Variants in CREB3L3 observed in about 807,000 individuals in gnomAD.
CREB3L3 encodes the protein cAMP responsive element binding protein 3 like 3.
In CREB3L3, 40 loss-of-function variants were observed where a neutral mutation model predicts 44.6. That is an observed-to-expected ratio of 0.90 (90% CI 0.70 to 1.17). CREB3L3 has a LOEUF of 1.17. Ranked by LOEUF, CREB3L3 falls within the 50% of genes most tolerant of loss-of-function variation. The pLI, the probability that CREB3L3 is intolerant of heterozygous loss-of-function variation, is 0.00. For missense variants in CREB3L3, 578 were observed against 595.8 expected (o/e 0.97, Z 0.31); for synonymous variants, 273 against 256.3 (o/e 1.06, Z -0.62).
intron 7 of CREB3L3, 97 bp from the exon 8 acceptor site, chr19:4,170,993 GA>G (rs1967032680): frequency 1.2e-6 from 1 of 821,110 alleles, no homozygotes; most frequent in Admixed American, 1.7e-5. Flanking sequence ...AGAATGGATG[GA>G]ATTTGGACTT....
At chr19:4,169,165 G>A (rs1048852306) in intron 6 of CREB3L3, among the ~76,000 whole-genome samples, 1 of 152,204 alleles carries the variant, frequency 6.6e-6, no homozygotes, top group South Asian at 2.1e-4. Context: ...AGAGAGTGGA[G>A]TGGCCCAAGG....
At chr19:4,159,147 T>C (rs2041626690) in intron 3 of CREB3L3, among the ~76,000 whole-genome samples, 1 of 147,840 alleles carries the variant, frequency 6.8e-6, no homozygotes, top group Non-Finnish European at 1.5e-5. Flanking sequence ...TGAATTTGGG[T>C]CCCCATCTTT....
At chr19:4,155,926 T>G (rs2041566666) in intron 2 of CREB3L3, among the ~76,000 whole-genome samples, 1 of 151,666 alleles carries the variant, frequency 6.6e-6, no homozygotes, top group Non-Finnish European at 1.5e-5. Flanking sequence ...TTCTTGTGTT[T>G]TTAGTAGAGA....
intron 6 of CREB3L3, among the ~76,000 whole-genome samples, chr19:4,169,459 G>A (rs1215658084): frequency 6.6e-6 from 1 of 151,872 alleles, no homozygotes; most frequent in Admixed American, 6.6e-5. Flanking sequence ...CAGCCTGGGC[G>A]ACAGAGCGAG....
At chr19:4,167,356 G>GAAAGAA (rs1568283670) in intron 5 of CREB3L3, among the ~76,000 whole-genome samples, 7 of 88,956 alleles carry the variant, frequency 7.9e-5, no homozygotes, top group African/African-American at 1.3e-4. Flanking sequence ...GAAAGAAAGA[G>GAAAGAA]AGAGAGAGAG....
intron 2 of CREB3L3, among the ~76,000 whole-genome samples, chr19:4,156,598 G>A (rs930412147): frequency 2.0e-5 from 3 of 149,362 alleles, no homozygotes; most frequent in Non-Finnish European, 4.4e-5. Context: ...TCCGTCTTAC[G>A]GGTTCAGAAT....
At position 4,157,120 on chromosome 19, in the gene CREB3L3, C is replaced by G; in HGVS notation, c.282C>G (p.Pro94=). The change falls in exon 3 of 10, where the codon CCC becomes CCG. Residue 94 remains proline, a synonymous_variant. Coordinates refer to ENST00000078445, the MANE Select transcript of CREB3L3 (RefSeq NM_032607.3). ...GSDSGISEDL[P]SDPQDTPPRS... ...ATAGTGGCATCTCCGAAGACCTCCCCTCCGACCCCCAGGACACCCCTCCAC... is the reference window on the plus strand; with the variant it reads ...ATAGTGGCATCTCCGAAGACCTCCCGTCCGACCCCCAGGACACCCCTCCAC... 1 of 1,614,090 alleles carries G rather than the reference C, an allele frequency of 6.2e-7. No individual in the cohort carries two copies. Among genetic ancestry groups the G allele is most frequent in the Non-Finnish European group, 8.5e-7 (1 of 1,180,006 alleles).
rs765755876 is a variant in CREB3L3 at position 4,167,500 on chromosome 19, AAGAGAAAG to A, written c.715-834_715-827del. On this transcript the variant is annotated intron_variant, in intron 5 of 9. Coordinates refer to ENST00000078445, the MANE Select transcript of CREB3L3 (RefSeq NM_032607.3). ...AAAAGGAAAGAAAGAGAGAAAGAGA[AAGAGAAAG>A]AGAGAAAGAGAGAAAGGGAGAAAGG... 1.6e-3 allele frequency among the ~76,000 whole-genome samples: 221 copies of A among 139,364 alleles called. 1 individual carries two copies. The highest frequency in any genetic ancestry group is 3.5e-3 in the Middle Eastern group (1 of 286). The allele number at this position is 139,364 out of a possible 152,430, so 91.4% of individuals were successfully genotyped here.
intron 2 of CREB3L3, 94 bp from the exon 3 acceptor site, chr19:4,156,901 C>A: frequency 7.5e-7 from 1 of 1,335,288 alleles, no homozygotes; most frequent in South Asian, 1.2e-5. Context: ...ACACCTAAGG[C>A]CCAAAGAGGG....
chr19:4,154,287 G>T (rs1166678590), intron 1 of CREB3L3, among the ~76,000 whole-genome samples: 1 of 152,026 alleles, frequency 6.6e-6, no homozygotes, highest in Non-Finnish European at 1.5e-5. Flanking sequence ...GGCTAGGCTG[G>T]TCTCAAACTC....
chr19:4,153,942 G>T (rs138696908), intron 1 of CREB3L3, among the ~76,000 whole-genome samples, 168 bp downstream of exon 1: 17 of 152,268 alleles, frequency 1.1e-4, no homozygotes, highest in Non-Finnish European at 2.1e-4. Context: ...CCCCGGGGCT[G>T]CCCTTGTCTT....
rs940058002 is a variant in CREB3L3, at chr19:4,154,686, T to G, written c.28-213T>G. On this transcript the variant is annotated intron_variant, in intron 1 of 9. Coordinates refer to ENST00000078445, the MANE Select transcript of CREB3L3 (RefSeq NM_032607.3). ...ACCACATCCAGCCTCTCCAGCACTT[T>G]AAGAGAAATTGGCTCTCACACTGTG... 2.0e-5 allele frequency among the ~76,000 whole-genome samples: 3 copies of G among 152,126 alleles called. No homozygotes were observed. In the East Asian group the frequency reaches 5.8e-4, roughly 29 times the overall value.
Position 4,171,995 on chromosome 19 carries a change from C to T in CREB3L3, c.*26C>T, listed in dbSNP as rs1232350370. ...GCCCCGCCAGGACTATGCTCCCAGG[C>T]CCCTCTGCCCAGGGGTGCCTTGGGG... On this transcript the variant is annotated 3_prime_UTR_variant, in exon 10 of 10. Coordinates refer to ENST00000078445, the MANE Select transcript of CREB3L3 (RefSeq NM_032607.3). This position sits in a 1 kb window ranked among gnomAD's most constrained non-coding sequence, Gnocchi z 4.9. 3 of 1,553,074 alleles carry T rather than the reference C, an allele frequency of 1.9e-6. No individual in the cohort carries two copies. Among genetic ancestry groups the T allele is most frequent in the Non-Finnish European group, 2.6e-6 (3 of 1,152,542 alleles).
At chr19:4,170,945 ATAAAT>A (rs955572605) in intron 7 of CREB3L3, 141 bp from the exon 8 acceptor site, 3 of 389,226 alleles carry the variant, frequency 7.7e-6, no homozygotes, top group Non-Finnish European at 4.6e-6. Flanking sequence ...AAATAAATAA[ATAAAT>A]AAAATAAATA....
chr19:4,163,244 C>A (rs953728865), intron 4 of CREB3L3, among the ~76,000 whole-genome samples: 5 of 151,202 alleles, frequency 3.3e-5, no homozygotes, highest in African/African-American at 1.2e-4. Context: ...GGAAGCAGAG[C>A]TTGCAGTGAG....
Position 4,157,174 on chromosome 19 carries a change from C to A in CREB3L3, c.336C>A (p.Gly112=), listed in dbSNP as rs372229537. The A allele has an allele frequency of 1.2e-6, 2 of 1,613,930 alleles. No individual in the cohort carries two copies. Among genetic ancestry groups the A allele is most frequent in the African/African-American group, 2.7e-5 (2 of 74,918 alleles). The stretch of plus-strand genomic sequence containing the variant: ...GCGGACCAGCCACCTCCCCCGCCGG[C>A]TGCCATCCTGCCCAGCCTGGCAAGG... ...PRSGPATSPA[G]CHPAQPGKGP... Residue 112 remains glycine (G), a synonymous_variant, in exon 3 of 10, where the codon GGC becomes GGA. Coordinates refer to ENST00000078445, the MANE Select transcript of CREB3L3 (RefSeq NM_032607.3).
chr19:4,159,346 T>C (rs1371298620), intron 3 of CREB3L3, among the ~76,000 whole-genome samples: 1 of 138,392 alleles, frequency 7.2e-6, no homozygotes, highest in African/African-American at 2.6e-5. Context: ...AGATGGGATT[T>C]CACCATGTTG....
intron 7 of CREB3L3, 86 bp downstream of exon 7, chr19:4,170,294 C>T: frequency 7.7e-7 from 1 of 1,300,108 alleles, no homozygotes; most frequent in Non-Finnish European, 1.1e-6. Flanking sequence ...CATGTGATGG[C>T]AGAATGACAT....
chr19:4,168,546 G>C (rs1966975325), intron 6 of CREB3L3, 89 bp downstream of exon 6: 2 of 1,037,402 alleles, frequency 1.9e-6, no homozygotes, highest in Non-Finnish European at 2.9e-6. Context: ...ACAGCTTAGA[G>C]TCTGACAAAA....
Sources: gnomAD v4.1 joint callset for allele counts (sites outside exome capture counted in the v4.1 genomes callset) on GRCh38, gnomAD v4.1.1 for gene constraint, Gnocchi (gnomAD v3.1) non-coding constraint, MANE v1.5 for transcripts, NCBI Gene and HGNC (gene_info 2026-07-23, HGNC 2026-07-21) for gene names.